The following SRD5A2 variants were observed in gnomAD, a reference collection of about 807,000 sequenced individuals.
SRD5A2 encodes the protein 3-oxo-5-alpha-steroid 4-dehydrogenase 2.
Under a neutral mutation model 27.4 loss-of-function variants are expected in SRD5A2, and 30 were observed. The observed-to-expected ratio is 1.10, with a 90% confidence interval of 0.82 to 1.49. SRD5A2 has a LOEUF of 1.49. Ranked by LOEUF, SRD5A2 falls within the 40% of genes most tolerant of loss-of-function variation. SRD5A2 has a pLI of 0.00. For missense variants in SRD5A2, 348 were observed against 323.4 expected, an observed-to-expected ratio of 1.08 and a Z score of -0.58; for synonymous variants, 141 against 133.6, an observed-to-expected ratio of 1.06 and a Z score of -0.38.
Position 31,525,553 on chromosome 2 carries a change from C to T in SRD5A2, c.*643G>A, listed in dbSNP as rs1021457185. On this transcript the variant is annotated 3_prime_UTR_variant, in exon 5 of 5. Coordinates refer to ENST00000622030, the MANE Select transcript of SRD5A2 (RefSeq NM_000348.4). ...TGAAATCTTCTGGAAAACAGAGGCA[C>T]TCATCAACTAAGACACTGCACAAAT... is the stretch of plus-strand genomic sequence containing the variant. 5 of 225,566 alleles carry T rather than the reference C, an allele frequency of 2.2e-5. No homozygotes were observed. In the East Asian group the frequency reaches 3.2e-4, roughly 14 times the overall value. 14.0% of individuals were successfully genotyped at this position (225,566 alleles called of 1,614,324 possible). A position where few individuals can be genotyped will look rare whatever the true frequency, so the allele number is the denominator to read the frequency against.
chr2:31,650,839 G>A, the SRD5A2 span, among the ~76,000 whole-genome samples: 3 of 152,142 alleles, frequency 2.0e-5, no homozygotes, highest in African/African-American at 4.8e-5. Context: ...CATCTCACAG[G>A]TGAGAATCCA....
the SRD5A2 span, among the ~76,000 whole-genome samples, chr2:31,620,245 A>G: frequency 2.0e-5 from 3 of 152,240 alleles, no homozygotes; most frequent in African/African-American, 7.2e-5. Context: ...AAATGAGCAA[A>G]AGCTGGAAGC....
At chr2:31,656,056 A>G in the SRD5A2 span, among the ~76,000 whole-genome samples, 1 of 152,304 alleles carries the variant, frequency 6.6e-6, no homozygotes, top group East Asian at 1.9e-4. Flanking sequence ...GCCTGATTAT[A>G]TCAGTTCTCT....
upstream of SRD5A2, among the ~76,000 whole-genome samples, chr2:31,585,780 C>T (rs1667166226): frequency 6.6e-6 from 1 of 152,088 alleles, no homozygotes; most frequent in Admixed American, 6.5e-5. Context: ...AGAGTTGACT[C>T]TTCAACAGCA....
chr2:31,600,095 G>C, the SRD5A2 span, among the ~76,000 whole-genome samples: 1 of 151,952 alleles, frequency 6.6e-6, no homozygotes, highest in Non-Finnish European at 1.5e-5. Flanking sequence ...TTGGTTTTCT[G>C]TTCCTGCATT....
At chr2:31,552,807 C>G (rs1666406832) in intron 1 of SRD5A2, among the ~76,000 whole-genome samples, 1 of 152,142 alleles carries the variant, frequency 6.6e-6, no homozygotes, top group Non-Finnish European at 1.5e-5. Context: ...TCCATAAAAA[C>G]TGGGAGAGAT....
chr2:31,661,311 C>A, the SRD5A2 span, among the ~76,000 whole-genome samples: 4 of 152,136 alleles, frequency 2.6e-5, no homozygotes, highest in Non-Finnish European at 5.9e-5. Context: ...CAGAGAGTCA[C>A]AACACAATGC....
At chr2:31,633,020 C>A in the SRD5A2 span, among the ~76,000 whole-genome samples, 1 of 152,074 alleles carries the variant, frequency 6.6e-6, no homozygotes, top group Non-Finnish European at 1.5e-5. Flanking sequence ...GGCAGTCTTA[C>A]ACTGCCGGGG....
chr2:31,547,093 C>T (rs1182576083), intron 1 of SRD5A2, among the ~76,000 whole-genome samples: 1 of 151,564 alleles, frequency 6.6e-6, no homozygotes, highest in African/African-American at 2.4e-5. Flanking sequence ...AGTGAAACTC[C>T]ATCTCAAAAA....
intron 4 of SRD5A2, 150 bp from the exon 5 acceptor site, chr2:31,526,412 C>T: frequency 1.6e-6 from 1 of 632,856 alleles, no homozygotes; most frequent in East Asian, 2.8e-5. Context: ...ATTTCTCCTT[C>T]CCACAGCCTA....
At chr2:31,550,323 C>T (rs1666358526) in intron 1 of SRD5A2, among the ~76,000 whole-genome samples, 1 of 151,142 alleles carries the variant, frequency 6.6e-6, no homozygotes, top group Non-Finnish European at 1.5e-5. Context: ...TAATTAATAC[C>T]AATTCTATGT....
chr2:31,523,025 A>T lies in SRD5A2; in HGVS notation c.*3171T>A. The T allele has an allele frequency of 4.6e-6, 1 of 219,498 alleles. No homozygotes were observed. The allele number at this position is 219,498 out of a possible 1,614,324, so 13.6% of individuals were successfully genotyped here. On this transcript the variant is annotated 3_prime_UTR_variant, in exon 5 of 5. Transcript: ENST00000622030. ...TTCCTGAAAGGGTCTAAGCCGCCTA[A>T]ATAGCTGTTTAATTGCGTATTTCTC...
rs1667056569 is a variant in SRD5A2 at position 31,580,659 on chromosome 2, G to A, written c.242C>T (p.Thr81Met). Residue 81 changes from threonine to methionine, a missense_variant, in exon 1 of 5, where the codon ACG becomes ATG. Transcript: ENST00000622030. ...TAGGCAGAAGAGGCCCAGAAGTACCGTCCCAGGTGGCCCGAAGAGGGAGAG... is the reference window on the plus strand; with the variant it reads ...TAGGCAGAAGAGGCCCAGAAGTACCATCCCAGGTGGCCCGAAGAGGGAGAG... ...QPLSLFGPPG[T>M]VLLGLFCLHY... is the part of the protein sequence containing the mutation. 1 of 1,592,384 alleles carries A rather than the reference G, an allele frequency of 6.3e-7. No homozygotes were observed. The highest frequency in any genetic ancestry group is 8.5e-7 in the Non-Finnish European group (1 of 1,175,622).
At chr2:31,652,468 C>CA in the SRD5A2 span, among the ~76,000 whole-genome samples, 5 of 149,858 alleles carry the variant, frequency 3.3e-5, no homozygotes, top group Middle Eastern at 3.5e-3. Flanking sequence ...ACTTCTAAGG[C>CA]AAAAAAAATT....
At chr2:31,604,476 C>T in the SRD5A2 span, among the ~76,000 whole-genome samples, 1 of 151,776 alleles carries the variant, frequency 6.6e-6, no homozygotes, top group Non-Finnish European at 1.5e-5. Flanking sequence ...ACAAAATCAA[C>T]ATACAAAATT....
the SRD5A2 span, among the ~76,000 whole-genome samples, chr2:31,648,525 G>T: frequency 1.5e-4 from 23 of 152,178 alleles, no homozygotes; most frequent in Non-Finnish European, 2.5e-4. Flanking sequence ...TTTTATGCCA[G>T]GCCACATCAA....
chr2:31,571,900 C>T (rs10207755), intron 1 of SRD5A2, among the ~76,000 whole-genome samples: 92,535 of 152,078 alleles, frequency 0.61, 28,460 homozygotes, highest in African/African-American at 0.68. Context: ...GAAAAGGGAA[C>T]GCCTATACAC....
the SRD5A2 span, among the ~76,000 whole-genome samples, chr2:31,594,223 T>C: frequency 1.3e-5 from 2 of 152,064 alleles, no homozygotes; most frequent in East Asian, 3.8e-4. Flanking sequence ...GAAGGCAAAG[T>C]GGTCTAAATG....
chr2:31,645,204 T>C, the SRD5A2 span, among the ~76,000 whole-genome samples: 124 of 152,040 alleles, frequency 8.2e-4, 1 homozygote, highest in Non-Finnish European at 1.6e-3. Flanking sequence ...GGTTAATGAG[T>C]ATTAAAAAAA....
Sources: allele counts gnomAD v4.1 joint callset (sites outside exome capture counted in the v4.1 genomes callset), GRCh38; gene constraint gnomAD v4.1.1; transcripts MANE v1.5; gene names NCBI Gene and HGNC (gene_info 2026-07-23, HGNC 2026-07-21).